COX7B2: variants seen among roughly 807,000 people sequenced by gnomAD.
COX7B2 encodes the protein cytochrome c oxidase subunit 7B2, also known as cytochrome c oxidase subunit 7B2, mitochondrial.
For synonymous variants in COX7B2, 37 were observed against 32.1 expected, an observed-to-expected ratio of 1.15 and a Z score of -0.51; for missense variants, 109 against 95.9, an observed-to-expected ratio of 1.14 and a Z score of -0.57.
intron 2 of COX7B2, among the ~76,000 whole-genome samples, chr4:46,753,253 C>G (rs957498995): frequency 2.0e-5 from 3 of 152,002 alleles, no homozygotes; most frequent in African/African-American, 4.8e-5. Context: ...TCTGTGGGAT[C>G]GGTGGTGATA....
At chr4:46,754,824 A>T (rs193195550) in intron 2 of COX7B2, among the ~76,000 whole-genome samples, 425 of 149,452 alleles carry the variant, frequency 2.8e-3, no homozygotes, top group African/African-American at 9.9e-3. Flanking sequence ...CCAACAAGAA[A>T]GCCAGGACCA....
chr4:46,813,521 C>T (rs1463956692), intron 2 of COX7B2, among the ~76,000 whole-genome samples: 1 of 152,100 alleles, frequency 6.6e-6, no homozygotes, highest in Non-Finnish European at 1.5e-5. Flanking sequence ...CACATGGACA[C>T]AGGGAGGGGA....
Position 46,866,147 on chromosome 4 carries a change from G to A in COX7B2, c.-104-21133C>T, listed in dbSNP as rs188488915. On this transcript the variant is annotated intron_variant, in intron 1 of 2. Transcript: ENST00000355591. ...GATCCAACTTCTAAGTAAGGAAGCC[G>A]TACATGATGCCATGTCCAAGGCCAA... Among the ~76,000 whole-genome samples, 575 of 152,306 alleles carry A rather than the reference G, an allele frequency of 3.8e-3. 1 individual carries two copies. Among genetic ancestry groups the A allele is most frequent in the Non-Finnish European group, 6.1e-3 (414 of 68,028 alleles).
intron 1 of COX7B2, among the ~76,000 whole-genome samples, chr4:46,886,449 T>C (rs1003500267): frequency 5.9e-5 from 9 of 152,198 alleles, no homozygotes; most frequent in African/African-American, 2.2e-4. Context: ...TAAGTTATCG[T>C]TAACTATAAT....
At chr4:46,828,694 A>G (rs1477008456) in intron 2 of COX7B2, among the ~76,000 whole-genome samples, 2 of 152,172 alleles carry the variant, frequency 1.3e-5, no homozygotes, top group African/African-American at 2.4e-5. Context: ...GAGCGATAAA[A>G]CTATTAAATA....
At chr4:46,793,709 A>G (rs1207744033) in intron 2 of COX7B2, among the ~76,000 whole-genome samples, 1 of 152,148 alleles carries the variant, frequency 6.6e-6, no homozygotes, top group African/African-American at 2.4e-5. Context: ...TCAAACAGAG[A>G]ATCTCATCCT....
intron 2 of COX7B2, among the ~76,000 whole-genome samples, chr4:46,757,054 A>T (rs1271373795): frequency 2.0e-5 from 3 of 152,210 alleles, no homozygotes; most frequent in African/African-American, 7.2e-5. Flanking sequence ...GTCCATCAAT[A>T]GAGGACTGGA....
intron 2 of COX7B2, among the ~76,000 whole-genome samples, chr4:46,783,210 A>G (rs1487424492): frequency 1.3e-5 from 2 of 152,226 alleles, no homozygotes; most frequent in African/African-American, 4.8e-5. Context: ...TAGAACATTC[A>G]GTAAACCCAT....
At chr4:46,812,061 C>G (rs560374265) in intron 2 of COX7B2, among the ~76,000 whole-genome samples, 1 of 152,234 alleles carries the variant, frequency 6.6e-6, no homozygotes, top group Admixed American at 6.5e-5. Flanking sequence ...ATATGGCTTT[C>G]AAGCAGCACT....
chr4:46,762,237 A>G (rs1277422080), intron 2 of COX7B2, among the ~76,000 whole-genome samples: 1 of 142,574 alleles, frequency 7.0e-6, no homozygotes, highest in Non-Finnish European at 1.5e-5. Context: ...TTATATATTA[A>G]ATATATTATA....
At chr4:46,736,939 G>A (rs1168581531) in intron 2 of COX7B2, among the ~76,000 whole-genome samples, 1 of 152,124 alleles carries the variant, frequency 6.6e-6, no homozygotes, top group African/African-American at 2.4e-5. Context: ...GTAGGGTTTT[G>A]TCTGAATATA....
chr4:46,756,430 A>G (rs909804925), intron 2 of COX7B2, among the ~76,000 whole-genome samples: 1 of 152,070 alleles, frequency 6.6e-6, no homozygotes, highest in Admixed American at 6.6e-5. Context: ...AAATGCAACC[A>G]AAACAAAAAT....
chr4:46,738,388 C>T (rs1029992712), intron 2 of COX7B2, among the ~76,000 whole-genome samples: 23 of 152,046 alleles, frequency 1.5e-4, no homozygotes, highest in Admixed American at 6.6e-5. Flanking sequence ...ACCAGTAAGT[C>T]TATTACTAAG....
intron 2 of COX7B2, among the ~76,000 whole-genome samples, chr4:46,750,381 A>G (rs1367134512): frequency 6.6e-6 from 1 of 152,178 alleles, no homozygotes; most frequent in Non-Finnish European, 1.5e-5. Context: ...TGGGCAAAAG[A>G]GACTTTGTCT....
chr4:46,830,036 T>C (rs756437127), intron 2 of COX7B2, among the ~76,000 whole-genome samples: 2 of 151,932 alleles, frequency 1.3e-5, no homozygotes, highest in Non-Finnish European at 2.9e-5. Context: ...ACTATAAAAA[T>C]GGATAGAGGC....
At chr4:46,795,339 C>T (rs4502657) in intron 2 of COX7B2, among the ~76,000 whole-genome samples, 22 of 73,656 alleles carry the variant, frequency 3.0e-4, no homozygotes, top group Non-Finnish European at 4.5e-4. Flanking sequence ...TTAGGTTTAA[C>T]GTTTAAATCT....
chr4:46,895,488 G>A lies in COX7B2; in HGVS notation c.-105+13672C>T, dbSNP rs542887872. Reference sequence around the variant, plus strand: ...GAACAACAGACACTGGGACCTACTTGAGGGTGGAGAGTAAGAGGAAGAAGA... The same window carrying A: ...GAACAACAGACACTGGGACCTACTTAAGGGTGGAGAGTAAGAGGAAGAAGA... On this transcript the variant is annotated intron_variant, in intron 1 of 2. Coordinates refer to ENST00000355591, the MANE Select transcript of COX7B2 (RefSeq NM_130902.3). Among the ~76,000 whole-genome samples the A allele has an allele frequency of 5.3e-5, 8 of 152,184 alleles. No homozygotes were observed. In the South Asian group the frequency reaches 1.7e-3, roughly 32 times the overall value.
chr4:46,873,869 G>A (rs1718161177), intron 1 of COX7B2, among the ~76,000 whole-genome samples: 1 of 152,032 alleles, frequency 6.6e-6, no homozygotes, highest in Non-Finnish European at 1.5e-5. Flanking sequence ...CCCACCCTGT[G>A]TCCAAGTGTT....
intron 1 of COX7B2, among the ~76,000 whole-genome samples, chr4:46,903,514 T>A (rs1720191943): frequency 6.6e-6 from 1 of 152,040 alleles, no homozygotes; most frequent in Non-Finnish European, 1.5e-5. Context: ...GTTTATAAAG[T>A]CAACAGGAGT....
Sources: allele counts gnomAD v4.1 joint callset (sites outside exome capture counted in the v4.1 genomes callset), GRCh38; gene constraint gnomAD v4.1.1; transcripts MANE v1.5; gene names NCBI Gene and HGNC (gene_info 2026-07-23, HGNC 2026-07-21).